The following PLXDC2 variants were observed in gnomAD, a reference collection of about 807,000 sequenced individuals.
PLXDC2 encodes the protein plexin domain containing 2.
Under a neutral mutation model 68.9 loss-of-function variants are expected in PLXDC2, and 40 were observed. The ratio of observed to expected loss-of-function variants is 0.58; its 90% CI spans 0.45 to 0.76. The LOEUF is 0.76. PLXDC2 is among the 30% of genes least tolerant of loss of function. The pLI is 0.00. For synonymous variants in PLXDC2, 243 were observed against 234.2 expected, an observed-to-expected ratio of 1.04 and a Z score of -0.34; for missense variants, 644 against 661.9, an observed-to-expected ratio of 0.97 and a Z score of 0.30.
At chr10:19,876,511 A>G (rs912252986) in intron 1 of PLXDC2, among the ~76,000 whole-genome samples, 6 of 148,920 alleles carry the variant, frequency 4.0e-5, no homozygotes, top group African/African-American at 1.5e-4. Context: ...CTGAGGCAGG[A>G]GAATCACTTG....
rs1334263958 is a variant in PLXDC2, at chr10:19,837,409, A to AGAGAGT, written c.112+20219_112+20220insAGAGTG. On this transcript the variant is annotated intron_variant, in intron 1 of 13. Transcript: ENST00000377252. ...GTGAGAGAGAGAGAGAGAGAGAGAG[A>AGAGAGT]GTGTGTGTGTGTGTGTGTGTGTGTG... 2.5e-4 allele frequency among the ~76,000 whole-genome samples: 21 copies of AGAGAGT among 82,598 alleles called. No individual in the cohort carries two copies. The East Asian group carries it at 5.6e-3, about 22-fold the overall frequency. The allele number at this position is 82,598 out of a possible 152,430, so 54.2% of individuals were successfully genotyped here.
At chr10:20,046,752 T>A (rs1357402489) in intron 2 of PLXDC2, 117 bp from the exon 3 acceptor site, 4 of 1,017,122 alleles carry the variant, frequency 3.9e-6, no homozygotes, top group Non-Finnish European at 4.2e-6. Context: ...AGAGTATAGT[T>A]AAATCATTTT....
chr10:19,931,681 G>A (rs1317269610), intron 1 of PLXDC2, among the ~76,000 whole-genome samples: 3 of 152,104 alleles, frequency 2.0e-5, no homozygotes, highest in Non-Finnish European at 4.4e-5. Flanking sequence ...AACTTCACCA[G>A]CTTGTTTATC....
At chr10:19,909,727 C>G (rs1045272833) in intron 1 of PLXDC2, among the ~76,000 whole-genome samples, 1 of 152,018 alleles carries the variant, frequency 6.6e-6, no homozygotes, top group Non-Finnish European at 1.5e-5. Context: ...TGTCTAATGC[C>G]TATACAGAAT....
At chr10:20,272,401 T>C (rs1017413778) in intron 13 of PLXDC2, among the ~76,000 whole-genome samples, 2 of 152,148 alleles carry the variant, frequency 1.3e-5, no homozygotes, top group Admixed American at 6.5e-5. Context: ...AGAGGGCTTA[T>C]TTATTTTAAA....
chr10:20,139,523 T>C (rs1414403401), intron 4 of PLXDC2, among the ~76,000 whole-genome samples: 1 of 152,220 alleles, frequency 6.6e-6, no homozygotes, highest in East Asian at 1.9e-4. Flanking sequence ...TGAAGGATTA[T>C]AAATCATTCT....
chr10:20,263,243 A>T (rs770529887), intron 13 of PLXDC2, among the ~76,000 whole-genome samples: 8 of 152,184 alleles, frequency 5.3e-5, no homozygotes, highest in Non-Finnish European at 1.0e-4. Flanking sequence ...AGCTGATAAA[A>T]ATAAACAATG....
At chr10:20,099,793 T>C (rs1029873466) in intron 4 of PLXDC2, among the ~76,000 whole-genome samples, 2 of 152,038 alleles carry the variant, frequency 1.3e-5, no homozygotes. Context: ...TTTAATTATG[T>C]TTAATTGGTA....
intron 1 of PLXDC2, among the ~76,000 whole-genome samples, chr10:19,887,787 A>T (rs1215408773): frequency 6.6e-6 from 1 of 152,238 alleles, no homozygotes; most frequent in Non-Finnish European, 1.5e-5. Flanking sequence ...GCTAAAACTT[A>T]TTCAGGTCAC....
intron 13 of PLXDC2, among the ~76,000 whole-genome samples, chr10:20,274,868 CAA>C (rs58738641): frequency 2.4e-4 from 26 of 109,528 alleles, no homozygotes; most frequent in East Asian, 7.6e-4. Flanking sequence ...ATCAGAATTT[CAA>C]AAAAAAAAAA....
intron 1 of PLXDC2, among the ~76,000 whole-genome samples, chr10:19,995,913 A>G (rs1021628644): frequency 6.6e-6 from 1 of 152,216 alleles, no homozygotes; most frequent in African/African-American, 2.4e-5. Flanking sequence ...CATCCATGCA[A>G]TAGTAACTAT....
chr10:19,951,216 T>C (rs2131406779), intron 1 of PLXDC2, among the ~76,000 whole-genome samples: 1 of 152,204 alleles, frequency 6.6e-6, no homozygotes, highest in South Asian at 2.1e-4. Context: ...ACCTACAAAA[T>C]TGGAGAAAAT....
At chr10:20,164,628 T>A (rs559227037) in intron 7 of PLXDC2, 61 bp downstream of exon 7, 2 of 1,285,746 alleles carry the variant, frequency 1.6e-6, no homozygotes, top group South Asian at 1.2e-5. Flanking sequence ...TTAAAGGAGA[T>A]TGGTCTATGG....
chr10:20,063,047 C>T (rs1306594233), intron 3 of PLXDC2, among the ~76,000 whole-genome samples: 1 of 151,946 alleles, frequency 6.6e-6, no homozygotes, highest in African/African-American at 2.4e-5. Flanking sequence ...ATAAGAATAA[C>T]ATCTCACCTA....
intron 12 of PLXDC2, among the ~76,000 whole-genome samples, chr10:20,233,728 T>C (rs969035472): frequency 6.6e-6 from 1 of 152,210 alleles, no homozygotes; most frequent in Non-Finnish European, 1.5e-5. Context: ...CAGTAGAGTA[T>C]ATAGTCACTT....
At chr10:19,887,767 G>A (rs746228359) in intron 1 of PLXDC2, among the ~76,000 whole-genome samples, 1 of 152,262 alleles carries the variant, frequency 6.6e-6, no homozygotes, top group Middle Eastern at 3.4e-3. Context: ...TCTGTCTTGG[G>A]TGTAAAAGTG....
At chr10:20,265,853 C>T (rs1285437536) in intron 13 of PLXDC2, among the ~76,000 whole-genome samples, 1 of 152,176 alleles carries the variant, frequency 6.6e-6, no homozygotes, top group Non-Finnish European at 1.5e-5. Flanking sequence ...CAGAAAGTCA[C>T]ATTTAAGCCA....
At chr10:19,962,206 T>C (rs1350237396) in intron 1 of PLXDC2, among the ~76,000 whole-genome samples, 1 of 152,070 alleles carries the variant, frequency 6.6e-6, no homozygotes, top group African/African-American at 2.4e-5. Context: ...TTTAGAGCAC[T>C]TAGATGATTT....
At chr10:19,999,390 G>GTTT (rs10715864) in intron 1 of PLXDC2, among the ~76,000 whole-genome samples, 5 of 101,172 alleles carry the variant, frequency 4.9e-5, no homozygotes, top group African/African-American at 1.5e-4. Flanking sequence ...GTAGGTGTTT[G>GTTT]TTTTTTTTTT....
Sources: gnomAD v4.1 joint callset for allele counts (sites outside exome capture counted in the v4.1 genomes callset) on GRCh38, gnomAD v4.1.1 for gene constraint, MANE v1.5 for transcripts, NCBI Gene and HGNC (gene_info 2026-07-23, HGNC 2026-07-21) for gene names.